TTC7B: variants seen among roughly 807,000 people sequenced by gnomAD.
TTC7B encodes the protein tetratricopeptide repeat protein 7B.
A neutral mutation model predicts 106.8 loss-of-function variants in TTC7B; 28 were observed. That is an observed-to-expected ratio of 0.26 (90% confidence interval 0.19 to 0.36). The LOEUF is 0.36. Among genes scored for constraint, TTC7B ranks in the 10% least tolerant of loss-of-function variants. The probability of loss-of-function intolerance (pLI) is 1.00; values close to 1 mark genes in which losing one functional copy is unlikely to be tolerated. For synonymous variants in TTC7B, 405 were observed against 430.6 expected (o/e 0.94, Z 0.74); for missense variants, 862 against 1,076.4 (o/e 0.80, Z 2.79).
chr14:90,781,233 G>A (rs180759553), intron 2 of TTC7B, among the ~76,000 whole-genome samples: 42 of 152,308 alleles, frequency 2.8e-4, no homozygotes, highest in Admixed American at 6.5e-5. Context: ...ATGCTTCCAC[G>A]TGTATGAAAT....
chr14:90,738,759 G>A (rs570104789), intron 4 of TTC7B, among the ~76,000 whole-genome samples: 2 of 152,320 alleles, frequency 1.3e-5, no homozygotes, highest in South Asian at 4.1e-4. Flanking sequence ...AGTTGGCGTG[G>A]AAGCATTATT....
intron 7 of TTC7B, among the ~76,000 whole-genome samples, chr14:90,685,958 T>A (rs1887237899): frequency 6.6e-6 from 1 of 152,170 alleles, no homozygotes; most frequent in Non-Finnish European, 1.5e-5. Context: ...CACAAACTCT[T>A]TCAAAAAGAA....
chr14:90,785,816 C>T (rs1891367726), intron 2 of TTC7B, among the ~76,000 whole-genome samples: 1 of 152,200 alleles, frequency 6.6e-6, no homozygotes, highest in Non-Finnish European at 1.5e-5. Context: ...AAGCTGTGCG[C>T]TGAGCATCCT....
chr14:90,633,037 T>C (rs1285236904), intron 15 of TTC7B, among the ~76,000 whole-genome samples: 2 of 152,252 alleles, frequency 1.3e-5, no homozygotes, highest in African/African-American at 2.4e-5. Context: ...TGTTGACATG[T>C]ATAAGAGCTG....
At position 90,743,371 on chromosome 14, in the gene TTC7B, A is replaced by G. The variant is rs79620116; in HGVS notation, c.576+1421T>C. Among the ~76,000 whole-genome samples the G allele has an allele frequency of 1.8e-3, 267 of 152,304 alleles. 3 individuals are homozygous for G. Among genetic ancestry groups the G allele is most frequent in the East Asian group, 0.017 (89 of 5,182 alleles). On this transcript the variant is annotated intron_variant, in intron 4 of 19. Transcript: ENST00000328459. ...ACACATGACAATATGATTTATGAAA[A>G]AAAGTTACTTCCTGTCTGTTCATTT...
chr14:90,636,056 G>C (rs1024816421), intron 15 of TTC7B, among the ~76,000 whole-genome samples: 10 of 151,770 alleles, frequency 6.6e-5, no homozygotes, highest in Admixed American at 5.2e-4. Flanking sequence ...AGGAGGCAGA[G>C]GTTGCAGTGA....
At chr14:90,695,318 T>C (rs1782670440) in intron 6 of TTC7B, among the ~76,000 whole-genome samples, 182 bp downstream of exon 6, 1 of 149,036 alleles carries the variant, frequency 6.7e-6, no homozygotes, top group Non-Finnish European at 1.5e-5. Context: ...CACATATATT[T>C]ATAACACATA....
intron 1 of TTC7B, among the ~76,000 whole-genome samples, chr14:90,790,161 G>C (rs1891536545): frequency 6.6e-6 from 1 of 151,968 alleles, no homozygotes; most frequent in Non-Finnish European, 1.5e-5. Context: ...TCCCTACAAA[G>C]ATGTCTAAAA....
chr14:90,587,361 C>A (rs1304287457), intron 18 of TTC7B, among the ~76,000 whole-genome samples: 1 of 152,212 alleles, frequency 6.6e-6, no homozygotes, highest in Non-Finnish European at 1.5e-5. Flanking sequence ...ATGACTTGAG[C>A]CTGGGCCCTT....
intron 19 of TTC7B, among the ~76,000 whole-genome samples, chr14:90,548,251 G>A (rs1219034337): frequency 6.6e-6 from 1 of 152,236 alleles, no homozygotes; most frequent in African/African-American, 2.4e-5. Context: ...CCACTCCAGG[G>A]CCACTGATGG....
intron 4 of TTC7B, among the ~76,000 whole-genome samples, chr14:90,744,301 TTTTCTTTC>T (rs530820356): frequency 6.6e-6 from 1 of 152,022 alleles, no homozygotes; most frequent in Non-Finnish European, 1.5e-5. Flanking sequence ...AACCATCTAT[TTTTCTTTC>T]TTTCTTTCTT....
rs182758733 is a variant in TTC7B at position 90,724,866 on chromosome 14, A to C, written c.698+5209T>G. Among the ~76,000 whole-genome samples the C allele has an allele frequency of 2.3e-4, 35 of 152,366 alleles. 1 individual carries two copies. In the East Asian group the frequency reaches 5.0e-3, roughly 22 times the overall value. ...CAAATGACCCTACTCGAATGCATGA[A>C]TAAATGGGCCTGGAATCTTCAGCTC... On this transcript the variant is annotated intron_variant, in intron 5 of 19. Transcript: ENST00000328459.
At chr14:90,723,671 G>C (rs1888979572) in intron 5 of TTC7B, among the ~76,000 whole-genome samples, 1 of 152,136 alleles carries the variant, frequency 6.6e-6, no homozygotes. Flanking sequence ...CTCCTCCGGA[G>C]ACCTGGCCAG....
At chr14:90,770,024 T>C (rs1228984993) in intron 3 of TTC7B, among the ~76,000 whole-genome samples, 1 of 149,572 alleles carries the variant, frequency 6.7e-6, no homozygotes, top group Non-Finnish European at 1.5e-5. Flanking sequence ...ATGGTACACA[T>C]CTGTAGTTCC....
intron 5 of TTC7B, among the ~76,000 whole-genome samples, chr14:90,720,606 A>G (rs1395264674): frequency 6.6e-6 from 1 of 152,188 alleles, no homozygotes; most frequent in African/African-American, 2.4e-5. Context: ...CTGCTCTGAA[A>G]ATACTGCCGT....
At chr14:90,694,598 T>C (rs1046523014) in intron 6 of TTC7B, among the ~76,000 whole-genome samples, 5 of 147,250 alleles carry the variant, frequency 3.4e-5, no homozygotes, top group African/African-American at 1.2e-4. Flanking sequence ...ATGTCACATA[T>C]ATTATAAATA....
intron 11 of TTC7B, among the ~76,000 whole-genome samples, chr14:90,655,326 A>C (rs1885902240): frequency 6.6e-6 from 1 of 152,134 alleles, no homozygotes; most frequent in African/African-American, 2.4e-5. Context: ...AGTTTTTCTT[A>C]CTGCTTATTT....
At chr14:90,765,030 A>C (rs1331668806) in intron 3 of TTC7B, among the ~76,000 whole-genome samples, 1 of 152,242 alleles carries the variant, frequency 6.6e-6, no homozygotes, top group Non-Finnish European at 1.5e-5. Context: ...CAGCATTATT[A>C]ATAATAGTCA....
chr14:90,687,770 C>T (rs1322493355), intron 7 of TTC7B, among the ~76,000 whole-genome samples: 1 of 152,020 alleles, frequency 6.6e-6, no homozygotes, highest in Non-Finnish European at 1.5e-5. Flanking sequence ...ACTCATGGTT[C>T]AACAAGGCTG....
Sources: gnomAD v4.1 joint callset for allele counts (sites outside exome capture counted in the v4.1 genomes callset) on GRCh38, gnomAD v4.1.1 for gene constraint, MANE v1.5 for transcripts, NCBI Gene and HGNC (gene_info 2026-07-23, HGNC 2026-07-21) for gene names.